NEUROD4: variants seen among roughly 807,000 people sequenced by gnomAD.
The protein encoded by NEUROD4 is neurogenic differentiation factor 4.
A neutral mutation model predicts 19.8 loss-of-function variants in NEUROD4; 16 were observed. That is an observed-to-expected ratio of 0.81 (90% CI 0.55 to 1.23). NEUROD4 has a LOEUF of 1.23. NEUROD4 is among the 50% of genes most tolerant of loss of function. NEUROD4 has a pLI of 0.00. For synonymous variants in NEUROD4, 153 were observed against 147.9 expected (o/e 1.03, Z -0.25); for missense variants, 439 against 398.6 (o/e 1.10, Z -0.86).
intron 1 of NEUROD4, among the ~76,000 whole-genome samples, chr12:55,023,101 TGA>T (rs1449570903): frequency 6.6e-6 from 1 of 152,134 alleles, no homozygotes; most frequent in African/African-American, 2.4e-5. Context: ...AGAAGGAGAC[TGA>T]GGCAGATAAG....
In NEUROD4 at chr12:55,020,196, C is replaced by T. The variant is rs1952665457; in HGVS notation, c.-127C>T. On this transcript the variant is annotated 5_prime_UTR_variant, in exon 1 of 2. Transcript: ENST00000242994. The stretch of plus-strand genomic sequence containing the variant: ...TCTAAGAGGTAACAACCGGGTTTGA[C>T]ATGGATCGCTGAAAGCGTCTCTTCT... 6.9e-6 allele frequency: 1 copy of T among 145,898 alleles called. No individual in the cohort carries two copies. Among genetic ancestry groups the T allele is most frequent in the African/African-American group, 2.7e-5 (1 of 37,008 alleles). 9.0% of individuals were successfully genotyped at this position (145,898 alleles called of 1,614,324 possible).
At position 55,026,467 on chromosome 12, in the gene NEUROD4, G is replaced by A. The variant is rs1432072739; in HGVS notation, c.28G>A (p.Glu10Lys). The A allele has an allele frequency of 3.1e-6, 5 of 1,611,004 alleles. No homozygotes were observed. The highest frequency in any genetic ancestry group is 4.2e-6 in the Non-Finnish European group (5 of 1,178,906). The part of the protein sequence containing the change: MSKTFVKSK[E>K]MGELVNTPSW... Reference sequence around the variant, plus strand: ...GTCAAAAACTTTTGTAAAATCCAAGGAGATGGGAGAGCTAGTCAACACACC... The same window carrying A: ...GTCAAAAACTTTTGTAAAATCCAAGAAGATGGGAGAGCTAGTCAACACACC... The change falls in exon 2 of 2, where the codon GAG becomes AAG. Residue 10 changes from glutamate (E) to lysine (K), a missense_variant. Transcript: ENST00000242994.
Position 55,028,986 on chromosome 12 carries a change from A to G in NEUROD4, c.*1551A>G, listed in dbSNP as rs1952765289. 1 of 167,008 alleles carries G rather than the reference A, an allele frequency of 6.0e-6. No individual in the cohort carries two copies. The highest frequency in any genetic ancestry group is 1.5e-5 in the Non-Finnish European group (1 of 68,092). The allele number at this position is 167,008 out of a possible 1,614,324, so 10.3% of individuals were successfully genotyped here. ...AACCAGAGCCTGAATGGCTTATTTG[A>G]TAGTAGATTAGGTCCTGCTCCTGCC... On this transcript the variant is annotated 3_prime_UTR_variant, in exon 2 of 2. Transcript: ENST00000242994.
chr12:55,027,239 A>C lies in NEUROD4; in HGVS notation c.800A>C (p.Gln267Pro), dbSNP rs748718626. 1.1e-5 allele frequency: 17 copies of C among 1,613,998 alleles called. No individual in the cohort carries two copies. The highest frequency in any genetic ancestry group is 1.4e-5 in the Non-Finnish European group (16 of 1,180,022). Residue 267 changes from glutamine (Q) to proline (P), a missense_variant, in exon 2 of 2, where the codon CAA (glutamine) becomes CCA (proline). Transcript: ENST00000242994. ...ATCAGTGGGAACTTCTCCTTGAAGC[A>C]AGATGGGTCTCCTGACCTAGAAAAA... ...LSISGNFSLK[Q>P]DGSPDLEKSY...
In NEUROD4 at chr12:55,026,762, A is replaced by T. The variant is rs775453579; in HGVS notation, c.323A>T (p.Asp108Val). The T allele has an allele frequency of 3.1e-6, 5 of 1,614,032 alleles. No homozygotes were observed. Among genetic ancestry groups the T allele is most frequent in the African/African-American group, 1.3e-5 (1 of 74,916 alleles). ...ATGCATGGCCTGAATGACGCCCTGG[A>T]TAACCTGAGGCGAGTCATGCCATGC... is the stretch of plus-strand genomic sequence containing the variant. ...TRMHGLNDAL[D>V]NLRRVMPCYS... The change falls in exon 2 of 2, where the codon GAT becomes GTT. Residue 108 changes from aspartate (D) to valine (V), a missense_variant. By Grantham distance (152) the Asp-to-Val change is radical (BLOSUM62 -3). Transcript: ENST00000242994.
In NEUROD4 at chr12:55,028,600, T is replaced by C. The variant is rs1952759581; in HGVS notation, c.*1165T>C. On this transcript the variant is annotated 3_prime_UTR_variant, in exon 2 of 2. Transcript: ENST00000242994. Reference sequence around the variant, plus strand: ...TATTTTCCAGAAGCACAAGCACCAATCAATTTATTGATCAAGGTTAAATTT... The same window carrying C: ...TATTTTCCAGAAGCACAAGCACCAACCAATTTATTGATCAAGGTTAAATTT... The C allele has an allele frequency of 6.0e-6, 1 of 166,988 alleles. No individual in the cohort carries two copies. The highest frequency in any genetic ancestry group is 1.5e-5 in the Non-Finnish European group (1 of 68,108). 10.3% of individuals were successfully genotyped at this position (166,988 alleles called of 1,614,324 possible).
In NEUROD4 at chr12:55,029,178, A is replaced by C. The variant is rs1301235677; in HGVS notation, c.*1743A>C. The stretch of plus-strand genomic sequence containing the variant: ...TTATTTATTATCTCCATACAGTATA[A>C]GTTATTTTTTTTCCATTTTGCTCTC... On this transcript the variant is annotated 3_prime_UTR_variant, in exon 2 of 2. Transcript: ENST00000242994. 1 of 144,346 alleles carries C rather than the reference A, an allele frequency of 6.9e-6. No homozygotes were observed. The highest frequency in any genetic ancestry group is 1.6e-5 in the Non-Finnish European group (1 of 62,402). 8.9% of individuals were successfully genotyped at this position (144,346 alleles called of 1,614,324 possible).
At chr12:55,026,405 T>G (rs1356885897) in intron 1 of NEUROD4, 26 bp from the exon 2 acceptor site, 3 of 1,556,864 alleles carry the variant, frequency 1.9e-6, no homozygotes, top group Non-Finnish European at 2.6e-6. Context: ...TCACAGGAAT[T>G]AACCTTTGAT....
At position 55,027,040 on chromosome 12, in the gene NEUROD4, A is replaced by C; in HGVS notation, c.601A>C (p.Asn201His). Residue 201 changes from asparagine (N) to histidine (H), a missense_variant, in exon 2 of 2, where the codon AAC becomes CAC. Asn to His is a moderately conservative substitution (Grantham distance 68). Transcript: ENST00000242994. ...TTGTGACTCTGCCATCTCTGTCCAC[A>C]ACTTCAACTATCAGTCTCCGGGGCT... The part of the protein sequence containing the change: ...PICDSAISVH[N>H]FNYQSPGLPS... The C allele has an allele frequency of 1.2e-6, 2 of 1,614,158 alleles. No individual in the cohort carries two copies. The highest frequency in any genetic ancestry group is 1.7e-6 in the Non-Finnish European group (2 of 1,180,026).
chr12:55,027,472 G>A lies in NEUROD4; in HGVS notation c.*37G>A, dbSNP rs764911389. On this transcript the variant is annotated 3_prime_UTR_variant, in exon 2 of 2. Transcript: ENST00000242994. ...TCAATGTTTCAGAGAATGACGTGGA[G>A]ACATTTTCCATAATTCAAGTGGTTG... 2 of 1,541,178 alleles carry A rather than the reference G, an allele frequency of 1.3e-6. No homozygotes were observed. Among genetic ancestry groups the A allele is most frequent in the Admixed American group, 4.0e-5 (2 of 49,740 alleles).
chr12:55,023,993 CCT>C (rs573681882), intron 1 of NEUROD4, among the ~76,000 whole-genome samples: 179 of 152,286 alleles, frequency 1.2e-3, no homozygotes, highest in African/African-American at 4.1e-3. Context: ...AAATCCCCCA[CCT>C]AGGATGGTAT....
At chr12:55,026,023 A>G (rs1478558558) in intron 1 of NEUROD4, among the ~76,000 whole-genome samples, 4 of 152,140 alleles carry the variant, frequency 2.6e-5, no homozygotes, top group Non-Finnish European at 5.9e-5. Flanking sequence ...ACACACATAG[A>G]CTTATTTTTA....
chr12:55,020,804 G>A (rs917245876), intron 1 of NEUROD4, among the ~76,000 whole-genome samples: 23 of 152,102 alleles, frequency 1.5e-4, no homozygotes, highest in Non-Finnish European at 5.9e-5. Flanking sequence ...GAAAATCCTC[G>A]GGGTAGATTC....
In NEUROD4 at chr12:55,027,022, T is replaced by C. The variant is rs759012157; in HGVS notation, c.583T>C (p.Ser195Pro). 1 of 1,614,140 alleles carries C rather than the reference T, an allele frequency of 6.2e-7. No homozygotes were observed. Among genetic ancestry groups the C allele is most frequent in the East Asian group, 2.2e-5 (1 of 44,866 alleles). The change falls in exon 2 of 2, where the codon TCT becomes CCT. Residue 195 changes from serine (S) to proline (P), a missense_variant. Coordinates refer to ENST00000242994, the MANE Select transcript of NEUROD4 (RefSeq NM_021191.3). ...KHEDKSPICD[S>P]AISVHNFNYQ... Reference sequence around the variant, plus strand: ...CGAGGATAAATCTCCTATTTGTGACTCTGCCATCTCTGTCCACAACTTCAA... The same window carrying C: ...CGAGGATAAATCTCCTATTTGTGACCCTGCCATCTCTGTCCACAACTTCAA...
Position 55,027,467 on chromosome 12 carries a change from G to T in NEUROD4, c.*32G>T, listed in dbSNP as rs376960834. On this transcript the variant is annotated 3_prime_UTR_variant, in exon 2 of 2. Transcript: ENST00000242994. ...TAAGTTCAATGTTTCAGAGAATGACGTGGAGACATTTTCCATAATTCAAGT... is the reference window on the plus strand; with the variant it reads ...TAAGTTCAATGTTTCAGAGAATGACTTGGAGACATTTTCCATAATTCAAGT... 1.9e-6 allele frequency: 3 copies of T among 1,545,766 alleles called. No homozygotes were observed. Among genetic ancestry groups the T allele is most frequent in the Non-Finnish European group, 2.6e-6 (3 of 1,146,676 alleles).
At chr12:55,020,820 A>T (rs1952669045) in intron 1 of NEUROD4, among the ~76,000 whole-genome samples, 1 of 152,176 alleles carries the variant, frequency 6.6e-6, no homozygotes, top group South Asian at 2.1e-4. Flanking sequence ...GATTCTCACC[A>T]TTAACTATTT....
rs1200315001 is a variant in NEUROD4, at chr12:55,028,008, G to A, written c.*573G>A. On this transcript the variant is annotated 3_prime_UTR_variant, in exon 2 of 2. Transcript: ENST00000242994. Reference sequence around the variant, plus strand: ...TCTTGGCTCACAGAATGCAAAGCTTGTTTGGATTTAATGATAGGACCTCTT... The same window carrying A: ...TCTTGGCTCACAGAATGCAAAGCTTATTTGGATTTAATGATAGGACCTCTT... The A allele has an allele frequency of 6.0e-6, 1 of 167,226 alleles. No individual in the cohort carries two copies. Among genetic ancestry groups the A allele is most frequent in the South Asian group, 2.1e-4 (1 of 4,822 alleles). The allele number at this position is 167,226 out of a possible 1,614,324, so 10.4% of individuals were successfully genotyped here. A position where few individuals can be genotyped will look rare whatever the true frequency, so the allele number is the denominator to read the frequency against.
rs1444313672 is a variant in NEUROD4 at position 55,020,238 on chromosome 12, G to A, written c.-85G>A. On this transcript the variant is annotated 5_prime_UTR_variant, in exon 1 of 2. Coordinates refer to ENST00000242994, the MANE Select transcript of NEUROD4 (RefSeq NM_021191.3). The stretch of plus-strand genomic sequence containing the variant: ...GTCTCTTCTACCATCTGGATGGTCA[G>A]GGAGACTTGGCTTCTCTGACTGTCC... 1.3e-5 allele frequency: 2 copies of A among 152,278 alleles called. No homozygotes were observed. The highest frequency in any genetic ancestry group is 4.8e-5 in the African/African-American group (2 of 41,466). 9.4% of individuals were successfully genotyped at this position (152,278 alleles called of 1,614,324 possible).
chr12:55,022,793 T>G (rs1237875273), intron 1 of NEUROD4, among the ~76,000 whole-genome samples: 5 of 152,106 alleles, frequency 3.3e-5, no homozygotes, highest in African/African-American at 1.2e-4. Context: ...AAACTTTGAT[T>G]TCAGTTTCAA....
Sources: gnomAD v4.1 joint callset for allele counts (sites outside exome capture counted in the v4.1 genomes callset) on GRCh38, gnomAD v4.1.1 for gene constraint, MANE v1.5 for transcripts, NCBI Gene and HGNC (gene_info 2026-07-23, HGNC 2026-07-21) for gene names.